TAF3: variants seen among roughly 807,000 people sequenced by gnomAD.
TAF3 encodes TATA-box binding protein associated factor 3, also known as transcription initiation factor TFIID subunit 3.
TAF3 carries 7 observed loss-of-function variants against 80.6 expected under a neutral mutation model. The observed-to-expected ratio is 0.09, with a 90% confidence interval of 0.05 to 0.16. TAF3 has a LOEUF of 0.16. Among genes scored for constraint, TAF3 ranks in the 10% least tolerant of loss-of-function variants. The pLI is 1.00. For missense variants in TAF3, 921 were observed against 1,140.2 expected (o/e 0.81, Z 2.77); for synonymous variants, 444 against 446.1 (o/e 1.00, Z 0.06).
At chr10:7,839,586 C>A (rs1314240389) in intron 2 of TAF3, among the ~76,000 whole-genome samples, 1 of 152,212 alleles carries the variant, frequency 6.6e-6, no homozygotes, top group Non-Finnish European at 1.5e-5. Flanking sequence ...GTGTATCATT[C>A]ATGGCCCTGG....
intron 4 of TAF3, among the ~76,000 whole-genome samples, chr10:7,980,979 G>C (rs1831720539): frequency 6.6e-6 from 1 of 152,150 alleles, no homozygotes. Context: ...ATAGGAGCAA[G>C]GTAATGTGAT....
intron 2 of TAF3, among the ~76,000 whole-genome samples, chr10:7,879,444 A>G (rs964513530): frequency 1.3e-5 from 2 of 152,228 alleles, no homozygotes; most frequent in Admixed American, 1.3e-4. Flanking sequence ...AAATGAAATA[A>G]TGACACCCAC....
intron 2 of TAF3, among the ~76,000 whole-genome samples, chr10:7,854,584 T>C (rs1011568812): frequency 6.8e-6 from 1 of 146,740 alleles, no homozygotes; most frequent in Non-Finnish European, 1.5e-5. Flanking sequence ...AGGAGGTAGA[T>C]CTTGACCTGA....
chr10:7,937,636 G>A (rs1052774484), intron 2 of TAF3, among the ~76,000 whole-genome samples: 5 of 152,174 alleles, frequency 3.3e-5, no homozygotes, highest in Admixed American at 2.0e-4. Flanking sequence ...ATAGTCTGTG[G>A]CTTGTCTTTT....
chr10:7,948,311 A>G (rs773141027), intron 2 of TAF3, among the ~76,000 whole-genome samples: 18 of 146,338 alleles, frequency 1.2e-4, no homozygotes, highest in Non-Finnish European at 2.1e-4. Flanking sequence ...CTGGTCTTGA[A>G]CTCCCAGCTT....
chr10:7,822,740 G>T (rs1031682428), intron 1 of TAF3, among the ~76,000 whole-genome samples: 1 of 152,146 alleles, frequency 6.6e-6, no homozygotes, highest in African/African-American at 2.4e-5. Flanking sequence ...CAGGATTTCA[G>T]TTAAAAAGTC....
chr10:7,999,300 ACTGT>A (rs762641030), intron 4 of TAF3, among the ~76,000 whole-genome samples: 8 of 152,094 alleles, frequency 5.3e-5, no homozygotes, highest in Non-Finnish European at 8.8e-5. Context: ...TAGGAAATTG[ACTGT>A]CTAATGTGGA....
intron 2 of TAF3, among the ~76,000 whole-genome samples, chr10:7,931,371 C>G (rs756662638): frequency 6.6e-5 from 10 of 152,142 alleles, no homozygotes; most frequent in Non-Finnish European, 1.5e-5. Context: ...ATTTATTTTC[C>G]TGCTGACCCT....
rs981816266 is a variant in TAF3 at position 8,016,075 on chromosome 10, T to C, written c.*1324T>C. On this transcript the variant is annotated 3_prime_UTR_variant, in exon 7 of 7. Transcript: ENST00000344293. Reference sequence around the variant, plus strand: ...TTATATGTTATAGATGTCTGAGAGGTAAACCAAATATTTTATTTTTAATGT... The same window carrying C: ...TTATATGTTATAGATGTCTGAGAGGCAAACCAAATATTTTATTTTTAATGT... 6.6e-6 allele frequency: 1 copy of C among 152,096 alleles called. No individual in the cohort carries two copies. Among genetic ancestry groups the C allele is most frequent in the African/African-American group, 2.4e-5 (1 of 41,392 alleles). The allele number at this position is 152,096 out of a possible 1,614,324, so 9.4% of individuals were successfully genotyped here.
chr10:7,947,488 CA>C (rs1468515835), intron 2 of TAF3, among the ~76,000 whole-genome samples: 1 of 152,160 alleles, frequency 6.6e-6, no homozygotes, highest in Admixed American at 6.5e-5. Context: ...GCAATGAGGC[CA>C]GGTAAGAAAG....
chr10:7,825,542 C>T (rs1836731349), intron 2 of TAF3, among the ~76,000 whole-genome samples: 1 of 152,106 alleles, frequency 6.6e-6, no homozygotes, highest in African/African-American at 2.4e-5. Context: ...TTTTGTCTCT[C>T]TGAATTTGTC....
chr10:7,944,412 A>T (rs1329344529), intron 2 of TAF3, among the ~76,000 whole-genome samples: 1 of 152,226 alleles, frequency 6.6e-6, no homozygotes, highest in African/African-American at 2.4e-5. Context: ...CAACAGACTA[A>T]TTATTCTTGT....
intron 2 of TAF3, among the ~76,000 whole-genome samples, chr10:7,842,079 A>G (rs1836920178): frequency 6.7e-6 from 1 of 149,970 alleles, no homozygotes; most frequent in African/African-American, 2.5e-5. Context: ...CCTATCGTTC[A>G]TTGAGTTGCG....
At chr10:7,920,555 T>C (rs1295504243) in intron 2 of TAF3, among the ~76,000 whole-genome samples, 1 of 152,144 alleles carries the variant, frequency 6.6e-6, no homozygotes, top group African/African-American at 2.4e-5. Flanking sequence ...TAGAAAATAA[T>C]CTTCTGGTAT....
chr10:7,957,532 A>G (rs1214380613), intron 2 of TAF3, among the ~76,000 whole-genome samples: 2 of 152,226 alleles, frequency 1.3e-5, no homozygotes, highest in African/African-American at 2.4e-5. Context: ...TACTCTCAAG[A>G]TAAATGGTGT....
At chr10:7,857,128 A>G (rs908979493) in intron 2 of TAF3, among the ~76,000 whole-genome samples, 4 of 152,234 alleles carry the variant, frequency 2.6e-5, no homozygotes, top group South Asian at 2.1e-4. Context: ...GAGGAAGACA[A>G]AAGTGAAACA....
At chr10:7,911,811 G>A (rs1837659130) in intron 2 of TAF3, among the ~76,000 whole-genome samples, 1 of 152,000 alleles carries the variant, frequency 6.6e-6, no homozygotes, top group African/African-American at 2.4e-5. Flanking sequence ...TTCCATTTTG[G>A]TCGACAGCCA....
chr10:7,966,445 C>T (rs572952630), intron 3 of TAF3, among the ~76,000 whole-genome samples: 26 of 152,290 alleles, frequency 1.7e-4, no homozygotes, highest in African/African-American at 4.8e-4. Context: ...CTGATAGAAA[C>T]CCCGCAGTTT....
intron 2 of TAF3, among the ~76,000 whole-genome samples, chr10:7,910,967 G>A (rs1178491376): frequency 6.6e-6 from 1 of 152,058 alleles, no homozygotes; most frequent in Non-Finnish European, 1.5e-5. Flanking sequence ...TAGAGCTCTG[G>A]ACCCGCTTAA....
Sources: allele counts gnomAD v4.1 joint callset (sites outside exome capture counted in the v4.1 genomes callset), GRCh38; gene constraint gnomAD v4.1.1; transcripts MANE v1.5; gene names NCBI Gene and HGNC (gene_info 2026-07-23, HGNC 2026-07-21).